ZC2HC1B: variants seen among roughly 807,000 people sequenced by gnomAD.
ZC2HC1B encodes the protein zinc finger C2HC-type containing 1B.
Under a neutral mutation model 31.0 loss-of-function variants are expected in ZC2HC1B, and 36 were observed. That is an observed-to-expected ratio of 1.16 (90% confidence interval 0.89 to 1.54). ZC2HC1B has a LOEUF of 1.54. Ranked by LOEUF, ZC2HC1B falls within the 40% of genes most tolerant of loss-of-function variation. The pLI is 0.00. For missense variants in ZC2HC1B, 260 were observed against 268.6 expected, an observed-to-expected ratio of 0.97 and a Z score of 0.22; for synonymous variants, 73 against 88.0, an observed-to-expected ratio of 0.83 and a Z score of 0.95.
intron 1 of ZC2HC1B, among the ~76,000 whole-genome samples, chr6:143,880,518 T>C (rs962009237): frequency 6.6e-6 from 1 of 152,242 alleles, no homozygotes; most frequent in Non-Finnish European, 1.5e-5. Context: ...AAATGTTTCA[T>C]TAATATTTTT....
In ZC2HC1B at chr6:143,920,313, G is replaced by A. The variant is rs577861418; in HGVS notation, c.598+17161G>A. ...TGTTTAGTAAACTTGGAAAGAGATC[G>A]TGAATGGGAAAAGACAGCATGTCAG... On this transcript the variant is annotated intron_variant, in intron 6 of 7. Coordinates refer to ENST00000237275, the MANE Select transcript of ZC2HC1B (RefSeq NM_001013623.3). 3.9e-5 allele frequency among the ~76,000 whole-genome samples: 6 copies of A among 152,278 alleles called. No individual in the cohort carries two copies. The South Asian group carries it at 6.2e-4, about 16-fold the overall frequency.
chr6:143,906,354 T>C (rs765593677), intron 6 of ZC2HC1B, among the ~76,000 whole-genome samples: 11 of 152,142 alleles, frequency 7.2e-5, no homozygotes, highest in Non-Finnish European at 1.5e-4. Flanking sequence ...AAATCCTTTT[T>C]TATTTCTATA....
chr6:143,889,488 G>A (rs1321771517), intron 4 of ZC2HC1B, among the ~76,000 whole-genome samples: 1 of 151,960 alleles, frequency 6.6e-6, no homozygotes, highest in Admixed American at 6.6e-5. Context: ...ATAAGAGCAC[G>A]GGAAAAGATA....
In ZC2HC1B at chr6:143,915,850, A is replaced by C. The variant is rs988694991; in HGVS notation, c.598+12698A>C. ...GACTTGGGTGCTGTTAAAGGCATTC[A>C]GTTTTAAAAGGGAAACTGAGCATAA... On this transcript the variant is annotated intron_variant, in intron 6 of 7. Coordinates refer to ENST00000237275, the MANE Select transcript of ZC2HC1B (RefSeq NM_001013623.3). This position sits in a 1 kb window ranked among gnomAD's most constrained non-coding sequence, Gnocchi z 5.2. 2.6e-5 allele frequency among the ~76,000 whole-genome samples: 4 copies of C among 152,216 alleles called. No individual in the cohort carries two copies. Among genetic ancestry groups the C allele is most frequent in the African/African-American group, 4.8e-5 (2 of 41,458 alleles).
chr6:143,864,717 A>G, intron 1 of ZC2HC1B, 150 bp downstream of exon 1: 1 of 913,748 alleles, frequency 1.1e-6, no homozygotes, highest in Non-Finnish European at 1.6e-6. Context: ...AAGAGTTGTC[A>G]AAACTGATGG....
chr6:143,884,434 C>T lies in ZC2HC1B; in HGVS notation c.90+69C>T, dbSNP rs980483276. 2.1e-5 allele frequency: 29 copies of T among 1,403,342 alleles called. No homozygotes were observed. The Middle Eastern group carries it at 9.0e-4, about 44-fold the overall frequency. 86.9% of individuals were successfully genotyped at this position (1,403,342 alleles called of 1,614,324 possible). A position where few individuals can be genotyped will look rare whatever the true frequency, so the allele number is the denominator to read the frequency against. The stretch of plus-strand genomic sequence containing the variant: ...ATGAACTGTCAAGTCAGTGAGGAGG[C>T]GGCAGTGCAAAGATTAAAGACAGAT... On this transcript the variant is annotated intron_variant, in intron 2 of 7. Coordinates refer to ENST00000237275, the MANE Select transcript of ZC2HC1B (RefSeq NM_001013623.3). The surrounding 1 kb of genome is among the most constrained non-coding windows in gnomAD (Gnocchi z 5.1).
chr6:143,867,726 T>C (rs2128492810), intron 1 of ZC2HC1B, among the ~76,000 whole-genome samples: 1 of 152,306 alleles, frequency 6.6e-6, no homozygotes, highest in East Asian at 1.9e-4. Context: ...ATATACTATC[T>C]TGAGATTATG....
chr6:143,901,699 G>A (rs1317851256), intron 5 of ZC2HC1B, among the ~76,000 whole-genome samples: 1 of 152,060 alleles, frequency 6.6e-6, no homozygotes, highest in East Asian at 1.9e-4. Context: ...TAAGTGAAGG[G>A]CCCGGTTCAG....
intron 6 of ZC2HC1B, among the ~76,000 whole-genome samples, chr6:143,928,346 C>G (rs551826734): frequency 1.6e-4 from 24 of 152,266 alleles, no homozygotes; most frequent in African/African-American, 5.8e-4. Flanking sequence ...ACAATTTTCC[C>G]AGCACCGTTT....
chr6:143,873,764 T>C (rs1777373857), intron 1 of ZC2HC1B, among the ~76,000 whole-genome samples: 1 of 152,206 alleles, frequency 6.6e-6, no homozygotes, highest in African/African-American at 2.4e-5. Flanking sequence ...ACCAAGTCCC[T>C]AGGCTGTACA....
At chr6:143,927,541 A>G (rs553556646) in intron 6 of ZC2HC1B, among the ~76,000 whole-genome samples, 12 of 152,222 alleles carry the variant, frequency 7.9e-5, no homozygotes, top group East Asian at 3.9e-4. Context: ...TCTTTATCCA[A>G]TCATCCATTG....
intron 6 of ZC2HC1B, among the ~76,000 whole-genome samples, chr6:143,906,027 G>C (rs1777790351): frequency 1.3e-5 from 2 of 152,130 alleles, no homozygotes; most frequent in Admixed American, 1.3e-4. Flanking sequence ...TTTGAAGTCA[G>C]GGTATCCTTC....
rs780500695 is a variant in ZC2HC1B, at chr6:143,886,833, T to C, written c.349+12T>C. ...ATCCTTGAACCCAGGTGTGTAGACA[T>C]TTTGGGTTGCTTTTGAGGCTATGCT... On this transcript the variant is annotated intron_variant, in intron 4 of 7. Coordinates refer to ENST00000237275, the MANE Select transcript of ZC2HC1B (RefSeq NM_001013623.3). This position sits in a 1 kb window ranked among gnomAD's most constrained non-coding sequence, Gnocchi z 4.2. 2.0e-6 allele frequency: 3 copies of C among 1,497,698 alleles called. No homozygotes were observed. Among genetic ancestry groups the C allele is most frequent in the South Asian group, 2.6e-5 (2 of 75,718 alleles). The allele number at this position is 1,497,698 out of a possible 1,614,324, so 92.8% of individuals were successfully genotyped here. A position where few individuals can be genotyped will look rare whatever the true frequency, so the allele number is the denominator to read the frequency against.
intron 6 of ZC2HC1B, among the ~76,000 whole-genome samples, chr6:143,919,916 T>C (rs1777968473): frequency 6.6e-6 from 1 of 152,214 alleles, no homozygotes; most frequent in African/African-American, 2.4e-5. Flanking sequence ...CCTACTCTTC[T>C]ATCTTTCCAG....
chr6:143,878,581 A>G (rs1449061851), intron 1 of ZC2HC1B, among the ~76,000 whole-genome samples: 1 of 150,712 alleles, frequency 6.6e-6, no homozygotes, highest in Non-Finnish European at 1.5e-5. Flanking sequence ...AAATATGTGC[A>G]TTAGGTAAAC....
In ZC2HC1B at chr6:143,903,249, A is replaced by G. The variant is rs909861441; in HGVS notation, c.598+97A>G. 2.8e-6 allele frequency: 3 copies of G among 1,072,100 alleles called. No homozygotes were observed. The highest frequency in any genetic ancestry group is 3.2e-5 in the African/African-American group (2 of 63,132). The allele number at this position is 1,072,100 out of a possible 1,614,324, so 66.4% of individuals were successfully genotyped here. The stretch of plus-strand genomic sequence containing the variant: ...ACTGGTAGTCTGCAAAAGCTCTAAG[A>G]CATTCACTGTTGCTTTTGGATGCAA... On this transcript the variant is annotated intron_variant, in intron 6 of 7. Coordinates refer to ENST00000237275, the MANE Select transcript of ZC2HC1B (RefSeq NM_001013623.3). This position sits in a 1 kb window ranked among gnomAD's most constrained non-coding sequence, Gnocchi z 4.3.
rs538930969 is a variant in ZC2HC1B at position 143,876,380 on chromosome 6, T to A, written c.29-7924T>A. On this transcript the variant is annotated intron_variant, in intron 1 of 7. Coordinates refer to ENST00000237275, the MANE Select transcript of ZC2HC1B (RefSeq NM_001013623.3). ...TCTCATGAGCAATGAATCAGGAGTG[T>A]CAAATGCATTTATTTTGTGTAACTC... 3.3e-4 allele frequency among the ~76,000 whole-genome samples: 49 copies of A among 150,658 alleles called. 1 individual carries two copies. The highest frequency in any genetic ancestry group is 3.4e-3 in the Middle Eastern group (1 of 292).
At chr6:143,866,058 G>A (rs1020725218) in intron 1 of ZC2HC1B, among the ~76,000 whole-genome samples, 1 of 152,042 alleles carries the variant, frequency 6.6e-6, no homozygotes, top group East Asian at 1.9e-4. Context: ...CTTATGATCC[G>A]CCCGCCTCGG....
At position 143,933,328 on chromosome 6, in the gene ZC2HC1B, G is replaced by A. The variant is rs1052204365; in HGVS notation, c.599-4321G>A. 1.3e-5 allele frequency among the ~76,000 whole-genome samples: 2 copies of A among 152,140 alleles called. No homozygotes were observed. The highest frequency in any genetic ancestry group is 4.8e-5 in the African/African-American group (2 of 41,434). ...CCAGCCAGCTGCAATAGTAGAGGGG[G>A]ATATAAGCTTGCTCTAATTTGGCCA... On this transcript the variant is annotated intron_variant, in intron 6 of 7. Transcript: ENST00000237275. The surrounding 1 kb of genome is among the most constrained non-coding windows in gnomAD (Gnocchi z 6.4).
Sources: gnomAD v4.1 joint callset for allele counts (sites outside exome capture counted in the v4.1 genomes callset) on GRCh38, gnomAD v4.1.1 for gene constraint, Gnocchi (gnomAD v3.1) non-coding constraint, MANE v1.5 for transcripts, NCBI Gene and HGNC (gene_info 2026-07-23, HGNC 2026-07-21) for gene names.